C1orf52: variants seen among roughly 807,000 people sequenced by gnomAD.
C1orf52 encodes chromosome 1 open reading frame 52.
In C1orf52, 5 loss-of-function variants were observed where a neutral mutation model predicts 17.2. The ratio of observed to expected loss-of-function variants is 0.29; its 90% CI spans 0.15 to 0.61. C1orf52 has a LOEUF of 0.61. C1orf52 is among the 20% of genes least tolerant of loss of function. The pLI, the probability that C1orf52 is intolerant of heterozygous loss-of-function variation, is 0.85. For missense variants in C1orf52, 245 were observed against 234.1 expected, an observed-to-expected ratio of 1.05 and a Z score of -0.30; for synonymous variants, 110 against 88.0, an observed-to-expected ratio of 1.25 and a Z score of -1.40.
chr1:85,253,487 T>C (rs1659851070), intron 2 of C1orf52, among the ~76,000 whole-genome samples: 1 of 152,160 alleles, frequency 6.6e-6, no homozygotes, highest in South Asian at 2.1e-4. Context: ...AATTTTATTC[T>C]AGTAAGTTCT....
intron 1 of C1orf52, chr1:85,259,000 A>G: frequency 2.2e-6 from 3 of 1,336,398 alleles, no homozygotes; most frequent in Non-Finnish European, 2.9e-6. Context: ...TGCAGCAGAC[A>G]CTGTCTTGGA....
rs566987508 is a variant in C1orf52, at chr1:85,251,795, T to G, written c.*834A>C. The G allele has an allele frequency of 6.6e-5, 10 of 152,272 alleles. No homozygotes were observed. In the South Asian group the frequency reaches 1.9e-3, roughly 28 times the overall value. 9.4% of individuals were successfully genotyped at this position (152,272 alleles called of 1,614,324 possible). A position where few individuals can be genotyped will look rare whatever the true frequency, so the allele number is the denominator to read the frequency against. ...GTCATCCAATCAGGAGAGGAAAAGA[T>G]CTCTACTAACGGATCTCCAGGTACA... On this transcript the variant is annotated 3_prime_UTR_variant, in exon 3 of 3. Transcript: ENST00000471115.
rs1659821085 is a variant in C1orf52 at position 85,252,352 on chromosome 1, C to T, written c.*277G>A. On this transcript the variant is annotated 3_prime_UTR_variant, in exon 3 of 3. Transcript: ENST00000471115. ...AGAACATTGGCATGTCAACATGTGA[C>T]AAAACTCTCAAAGCATGTCACCAAT... The T allele has an allele frequency of 5.1e-6, 2 of 388,474 alleles. No homozygotes were observed. Among genetic ancestry groups the T allele is most frequent in the Non-Finnish European group, 4.6e-6 (1 of 217,096 alleles). 24.1% of individuals were successfully genotyped at this position (388,474 alleles called of 1,614,324 possible).
intron 1 of C1orf52, 28 bp downstream of exon 1, chr1:85,259,330 G>C (rs1316267041): frequency 1.2e-6 from 2 of 1,601,528 alleles, no homozygotes; most frequent in Admixed American, 3.4e-5. Flanking sequence ...CCGGGGCCGA[G>C]ACCGAGAAAC....
Position 85,258,507 on chromosome 1 carries a change from A to T in C1orf52, c.475+17T>A. 6.2e-7 allele frequency: 1 copy of T among 1,603,350 alleles called. No individual in the cohort carries two copies. The highest frequency in any genetic ancestry group is 1.1e-5 in the South Asian group (1 of 89,906). On this transcript the variant is annotated intron_variant, in intron 2 of 2. Coordinates refer to ENST00000471115, the MANE Select transcript of C1orf52 (RefSeq NM_198077.4). ...GGGGATCAAAATAGACCACCATCGG[A>T]TTCTGACTTTCCTTACCTGATTCCA...
At chr1:85,259,077 CG>C (rs1481924639) in intron 1 of C1orf52, 2 of 1,240,786 alleles carry the variant, frequency 1.6e-6, no homozygotes, top group Non-Finnish European at 2.1e-6. Flanking sequence ...GCGGGGGGGG[CG>C]GGGGAGTCAC....
At position 85,258,581 on chromosome 1, in the gene C1orf52, G is replaced by T. The variant is rs1439375485; in HGVS notation, c.418C>A (p.Pro140Thr). 2.5e-6 allele frequency: 4 copies of T among 1,614,012 alleles called. No homozygotes were observed. The highest frequency in any genetic ancestry group is 3.4e-6 in the Non-Finnish European group (4 of 1,180,032). Residue 140 changes from proline to threonine, a missense_variant, in exon 2 of 3, where the codon CCA (proline) becomes ACA (threonine). Pro to Thr is a conservative substitution (Grantham distance 38, BLOSUM62 -1). Transcript: ENST00000471115. ...NIYEDNGDDA[P>T]QNAKKARLLP... ...AGCCTAGCTTTCTTAGCATTCTGTG[G>T]AGCATCATCACCATTGTCCTCATAT...
intron 2 of C1orf52, among the ~76,000 whole-genome samples, chr1:85,256,128 T>G (rs1322649748): frequency 6.6e-6 from 1 of 152,230 alleles, no homozygotes; most frequent in East Asian, 1.9e-4. Context: ...AATAGCTATA[T>G]CTCACTGTTG....
Position 85,259,532 on chromosome 1 carries a change from C to A in C1orf52, c.102G>T (p.Thr34=), listed in dbSNP as rs1289159881. 6.2e-7 allele frequency: 1 copy of A among 1,613,800 alleles called. No homozygotes were observed. The highest frequency in any genetic ancestry group is 8.5e-7 in the Non-Finnish European group (1 of 1,180,010). ...TCGCCGGATCCGGGGTTCTGCGACT[C>A]GTCTCCTCCGGCTCGATGTTATCCT... is the stretch of plus-strand genomic sequence containing the variant. ...DEEDNIEPEE[T]SRRTPDPAKS... is the part of the protein sequence containing the mutation. Residue 34 remains threonine (T), a synonymous_variant, in exon 1 of 3, where the codon ACG becomes ACT. Coordinates refer to ENST00000471115, the MANE Select transcript of C1orf52 (RefSeq NM_198077.4).
At chr1:85,258,923 A>C in intron 1 of C1orf52, 1 of 1,417,436 alleles carries the variant, frequency 7.1e-7, no homozygotes, top group Non-Finnish European at 9.1e-7. Context: ...AAAGCTAATA[A>C]CTTTTAGTTA....
intron 2 of C1orf52, among the ~76,000 whole-genome samples, chr1:85,254,330 T>C (rs750517): frequency 0.48 from 72,918 of 151,738 alleles, 17,691 homozygotes; most frequent in South Asian, 0.59. Flanking sequence ...ATCATGTTCA[T>C]ACAAAAACAC....
chr1:85,259,628 T>C lies in C1orf52; in HGVS notation c.6A>G (p.Ala2=), dbSNP rs375386510. 7.7e-6 allele frequency: 12 copies of C among 1,551,478 alleles called. No individual in the cohort carries two copies. The highest frequency in any genetic ancestry group is 1.9e-5 in the Admixed American group (1 of 51,296). ...AGCTCAGAGGGTCCTTCTCCTCCGCTGCCATGACGGCTGCGAGCGACAACC... is the reference window on the plus strand; with the variant it reads ...AGCTCAGAGGGTCCTTCTCCTCCGCCGCCATGACGGCTGCGAGCGACAACC... M[A]AEEKDPLSYF... The change falls in exon 1 of 3, where the codon GCA becomes GCG. Residue 2 remains alanine (A), a synonymous_variant. Transcript: ENST00000471115.
In C1orf52 at chr1:85,256,599, A is replaced by C. The variant is rs536118909; in HGVS notation, c.475+1925T>G. Among the ~76,000 whole-genome samples the C allele has an allele frequency of 2.0e-5, 3 of 152,322 alleles. No homozygotes were observed. In the East Asian group the frequency reaches 5.8e-4, roughly 29 times the overall value. On this transcript the variant is annotated intron_variant, in intron 2 of 2. Coordinates refer to ENST00000471115, the MANE Select transcript of C1orf52 (RefSeq NM_198077.4). ...CAGATCACGAGGTCAGGAGATCCAG[A>C]CCATCCTGGCTAACACGGTGAAACC...
chr1:85,252,698 A>G lies in C1orf52; in HGVS notation c.480T>C (p.Asp160=). 6.2e-7 allele frequency: 1 copy of G among 1,609,654 alleles called. No individual in the cohort carries two copies. Among genetic ancestry groups the G allele is most frequent in the Non-Finnish European group, 8.5e-7 (1 of 1,176,544 alleles). The part of the protein sequence containing the change: ...PEGEETLESD[D]EKDEHTSKKR... ...TTTTAGAAGTATGCTCATCTTTTTC[A>G]TCATCTTTAAATAGAAAAGGAAGAG... Residue 160 remains aspartate, a synonymous_variant, in exon 3 of 3, where the codon GAT becomes GAC. Transcript: ENST00000471115.
chr1:85,256,005 G>A (rs1451250285), intron 2 of C1orf52, among the ~76,000 whole-genome samples: 1 of 152,166 alleles, frequency 6.6e-6, no homozygotes, highest in Non-Finnish European at 1.5e-5. Flanking sequence ...GCTTGCCCTG[G>A]TGTATAATCC....
intron 1 of C1orf52, chr1:85,259,133 G>C (rs1660023760): frequency 1.6e-6 from 2 of 1,253,268 alleles, no homozygotes; most frequent in South Asian, 1.7e-5. Context: ...CGAGCGCGGA[G>C]GTTTGGGTCT....
intron 2 of C1orf52, chr1:85,257,579 C>G: frequency 3.0e-6 from 2 of 664,252 alleles, no homozygotes; most frequent in Middle Eastern, 2.4e-4. Context: ...GTTATATAAT[C>G]AGATACGACT....
At chr1:85,259,097 G>A in intron 1 of C1orf52, 1 of 1,366,224 alleles carries the variant, frequency 7.3e-7, no homozygotes, top group South Asian at 1.6e-5. Context: ...ACCACTGTTA[G>A]TCCTCGCCGC....
At chr1:85,256,481 T>G (rs1659939004) in intron 2 of C1orf52, among the ~76,000 whole-genome samples, 1 of 152,234 alleles carries the variant, frequency 6.6e-6, no homozygotes, top group Non-Finnish European at 1.5e-5. Flanking sequence ...TAAAGATTAT[T>G]TAAGCAAATA....
Sources: allele counts gnomAD v4.1 joint callset (sites outside exome capture counted in the v4.1 genomes callset), GRCh38; gene constraint gnomAD v4.1.1; transcripts MANE v1.5; gene names NCBI Gene and HGNC (gene_info 2026-07-23, HGNC 2026-07-21).